The following OPCML variants were observed in gnomAD, a reference collection of about 807,000 sequenced individuals.
OPCML encodes opioid binding protein/cell adhesion molecule like.
OPCML carries 13 observed loss-of-function variants against 37.8 expected under a neutral mutation model. The observed-to-expected ratio is 0.34, with a 90% confidence interval of 0.22 to 0.55. The LOEUF (loss-of-function observed/expected upper bound fraction) is 0.55, where lower values mean the gene tolerates loss of function less well. Among genes scored for constraint, OPCML ranks in the 20% least tolerant of loss-of-function variants. OPCML has a pLI of 0.91. For synonymous variants in OPCML, 176 were observed against 168.8 expected (o/e 1.04, Z -0.33); for missense variants, 341 against 435.6 (o/e 0.78, Z 1.93).
At chr11:132,539,531 C>A (rs61906366) in intron 3 of OPCML, among the ~76,000 whole-genome samples, 55,767 of 150,618 alleles carry the variant, frequency 0.37, 12,403 homozygotes, top group African/African-American at 0.62. Flanking sequence ...GCTGCTGCTG[C>A]TGATGATGAT....
At chr11:133,251,303 G>A (rs1294241112) in intron 1 of OPCML, among the ~76,000 whole-genome samples, 1 of 152,058 alleles carries the variant, frequency 6.6e-6, no homozygotes, top group African/African-American at 2.4e-5. Flanking sequence ...TATATGGCAG[G>A]ACTGGGGATA....
chr11:133,460,057 A>C (rs1323676390), intron 1 of OPCML, among the ~76,000 whole-genome samples: 1 of 152,062 alleles, frequency 6.6e-6, no homozygotes, highest in East Asian at 1.9e-4. Context: ...AGAAATTAAC[A>C]ACAGAAGGAA....
Position 133,411,045 on chromosome 11 carries a change from C to T in OPCML, c.61+121219G>A, listed in dbSNP as rs79487608. ...GACCTGTGGCTGGCATGTGTCCCCTCACAGGACCCTGAGGAATTAGACAGA... is the reference window on the plus strand; with the variant it reads ...GACCTGTGGCTGGCATGTGTCCCCTTACAGGACCCTGAGGAATTAGACAGA... On this transcript the variant is annotated intron_variant, in intron 1 of 7. Coordinates refer to ENST00000524381, the MANE Select transcript of OPCML (RefSeq NM_001012393.5). Among the ~76,000 whole-genome samples the T allele has an allele frequency of 3.9e-4, 60 of 152,278 alleles. 1 individual carries two copies. The East Asian group carries it at 0.011, about 28-fold the overall frequency.
chr11:132,825,320 C>T (rs766902572), intron 2 of OPCML, among the ~76,000 whole-genome samples: 2 of 152,142 alleles, frequency 1.3e-5, no homozygotes, highest in Non-Finnish European at 2.9e-5. Flanking sequence ...GGGCATCCAT[C>T]GCCCAAATTG....
chr11:133,032,597 T>TTAAATATCTTTTTCCAAC (rs1302978692), intron 1 of OPCML, among the ~76,000 whole-genome samples: 9 of 152,142 alleles, frequency 5.9e-5, no homozygotes, highest in Non-Finnish European at 2.9e-5. Flanking sequence ...AAGAGTTCAT[T>TTAAATATCTTTTTCCAAC]TAAATATCTT....
chr11:132,994,033 T>C (rs1946831106), intron 1 of OPCML, among the ~76,000 whole-genome samples: 1 of 152,252 alleles, frequency 6.6e-6, no homozygotes, highest in African/African-American at 2.4e-5. Flanking sequence ...ATTCCCAAGC[T>C]GTCCCCATCC....
intron 1 of OPCML, among the ~76,000 whole-genome samples, chr11:133,478,680 C>G (rs1434787400): frequency 6.6e-6 from 1 of 152,170 alleles, no homozygotes; most frequent in Non-Finnish European, 1.5e-5. Context: ...TTGAAACCAA[C>G]CTAAACTATA....
At chr11:133,112,350 C>T (rs1192032245) in intron 1 of OPCML, among the ~76,000 whole-genome samples, 1 of 116,478 alleles carries the variant, frequency 8.6e-6, no homozygotes, top group Non-Finnish European at 1.8e-5. Flanking sequence ...TTGGAAAACA[C>T]GGTTGAATGT....
At chr11:133,262,951 T>C (rs1273072475) in intron 1 of OPCML, among the ~76,000 whole-genome samples, 1 of 151,752 alleles carries the variant, frequency 6.6e-6, no homozygotes, top group African/African-American at 2.4e-5. Flanking sequence ...TAAAGAGAGC[T>C]GGGGAAGACA....
intron 1 of OPCML, among the ~76,000 whole-genome samples, chr11:133,143,846 G>A (rs1473268385): frequency 1.3e-5 from 2 of 152,202 alleles, no homozygotes; most frequent in African/African-American, 2.4e-5. Flanking sequence ...TTCAATTGCT[G>A]TGATACTAGC....
chr11:132,624,451 G>A (rs1442834708), intron 3 of OPCML, among the ~76,000 whole-genome samples: 1 of 152,110 alleles, frequency 6.6e-6, no homozygotes, highest in Non-Finnish European at 1.5e-5. Context: ...TCTTATTTCT[G>A]TGATATCACG....
At chr11:132,711,221 AC>A (rs1330204292) in intron 2 of OPCML, among the ~76,000 whole-genome samples, 2 of 152,218 alleles carry the variant, frequency 1.3e-5, no homozygotes, top group African/African-American at 4.8e-5. Context: ...CTCTTGATGA[AC>A]CTTCATATGG....
chr11:133,222,814 G>A (rs943223940), intron 1 of OPCML, among the ~76,000 whole-genome samples: 1 of 151,732 alleles, frequency 6.6e-6, no homozygotes, highest in Non-Finnish European at 1.5e-5. Context: ...GAGCAAAGGG[G>A]GGCCGAGCCG....
intron 2 of OPCML, among the ~76,000 whole-genome samples, chr11:132,812,388 C>T (rs117714372): frequency 0.016 from 2,436 of 150,858 alleles, 28 homozygotes; most frequent in Middle Eastern, 0.027. Context: ...ACCTACCCTA[C>T]AGAGGAAGAA....
intron 1 of OPCML, among the ~76,000 whole-genome samples, chr11:133,161,041 A>C (rs945920066): frequency 1.3e-5 from 2 of 152,150 alleles, no homozygotes; most frequent in African/African-American, 4.8e-5. Flanking sequence ...ATTGGGCCGA[A>C]TGGGAATTTC....
intron 1 of OPCML, among the ~76,000 whole-genome samples, chr11:133,464,686 G>T (rs1565649401): frequency 6.6e-6 from 1 of 152,148 alleles, no homozygotes; most frequent in Non-Finnish European, 1.5e-5. Context: ...GTGTGGCTGA[G>T]GTGGACACAA....
chr11:132,643,269 T>C (rs1466002296), intron 3 of OPCML, among the ~76,000 whole-genome samples: 1 of 152,132 alleles, frequency 6.6e-6, no homozygotes, highest in African/African-American at 2.4e-5. Flanking sequence ...AGCGTGAGAC[T>C]CCATCTCTAA....
At chr11:133,268,783 T>C (rs80323885) in intron 1 of OPCML, among the ~76,000 whole-genome samples, 1,734 of 152,308 alleles carry the variant, frequency 0.011, 33 homozygotes, top group African/African-American at 0.038. Context: ...TGAATAGAGA[T>C]AGAAGACCTT....
At chr11:133,199,428 C>T (rs1017849775) in intron 1 of OPCML, among the ~76,000 whole-genome samples, 28 of 152,200 alleles carry the variant, frequency 1.8e-4, no homozygotes, top group African/African-American at 6.5e-4. Flanking sequence ...CAGTTCAGTG[C>T]TTCAACATAC....
Sources: allele counts gnomAD v4.1 joint callset (sites outside exome capture counted in the v4.1 genomes callset), GRCh38; gene constraint gnomAD v4.1.1; transcripts MANE v1.5; gene names NCBI Gene and HGNC (gene_info 2026-07-23, HGNC 2026-07-21).